ADORA2B: variants seen among roughly 807,000 people sequenced by gnomAD.
ADORA2B encodes adenosine A2b receptor, also known as adenosine receptor A2b.
A neutral mutation model predicts 20.8 loss-of-function variants in ADORA2B; 18 were observed. The observed-to-expected ratio is 0.87, with a 90% CI of 0.60 to 1.29. ADORA2B has a LOEUF of 1.29. Among genes scored for constraint, ADORA2B ranks in the 50% most tolerant of loss-of-function variants. The pLI, the probability that ADORA2B is intolerant of heterozygous loss-of-function variation, is 0.00. For missense variants in ADORA2B, 441 were observed against 422.7 expected (o/e 1.04, Z -0.38); for synonymous variants, 179 against 178.3 (o/e 1.00, Z -0.03).
the ADORA2B span, among the ~76,000 whole-genome samples, chr17:15,903,568 CTG>C: frequency 6.6e-6 from 1 of 152,222 alleles, no homozygotes; most frequent in Admixed American, 6.5e-5. Context: ...CCAGCACCCA[CTG>C]TCAAGCCTCC....
the ADORA2B span, among the ~76,000 whole-genome samples, chr17:15,936,733 A>T: frequency 6.6e-6 from 1 of 152,360 alleles, no homozygotes; most frequent in South Asian, 2.1e-4. Context: ...AGGCAGAAGG[A>T]TCGCTTGCAG....
In ADORA2B at chr17:15,948,830, A is replaced by G. The variant is rs1001253699; in HGVS notation, c.335+3247A>G. 2.0e-5 allele frequency among the ~76,000 whole-genome samples: 3 copies of G among 152,226 alleles called. No homozygotes were observed. The South Asian group carries it at 6.2e-4, about 32-fold the overall frequency. ...GCCTCACGTATCTGGTCTTTGAGGT[A>G]GGGATTAAAGACCTCTTAGCAAGAC... is the stretch of plus-strand genomic sequence containing the variant. On this transcript the variant is annotated intron_variant, in intron 1 of 1. Transcript: ENST00000304222.
At chr17:15,930,043 C>T in the ADORA2B span, among the ~76,000 whole-genome samples, 1 of 152,062 alleles carries the variant, frequency 6.6e-6, no homozygotes, top group Non-Finnish European at 1.5e-5. Flanking sequence ...CTGAAGCTAT[C>T]CTATTGCCTC....
the ADORA2B span, among the ~76,000 whole-genome samples, chr17:15,939,771 G>A: frequency 1.4e-5 from 2 of 147,034 alleles, no homozygotes; most frequent in African/African-American, 5.0e-5. Context: ...TGAGGCAGGA[G>A]AATGGCATGA....
the ADORA2B span, among the ~76,000 whole-genome samples, chr17:15,903,766 AAG>A: frequency 6.6e-6 from 1 of 152,224 alleles, no homozygotes; most frequent in Admixed American, 6.5e-5. Flanking sequence ...GTTCAAAAGT[AAG>A]AGAGTTCCTG....
At chr17:15,884,354 A>G in the ADORA2B span, among the ~76,000 whole-genome samples, 1 of 152,120 alleles carries the variant, frequency 6.6e-6, no homozygotes, top group African/African-American at 2.4e-5. Context: ...AAAGGTGGCT[A>G]ATGTGACTAA....
chr17:15,899,871 C>G, the ADORA2B span, among the ~76,000 whole-genome samples: 1 of 150,556 alleles, frequency 6.6e-6, no homozygotes. Flanking sequence ...CTCTCTCTGT[C>G]GGCAGGCTGG....
At chr17:15,910,311 T>G in the ADORA2B span, among the ~76,000 whole-genome samples, 1 of 152,154 alleles carries the variant, frequency 6.6e-6, no homozygotes, top group South Asian at 2.1e-4. Context: ...ACTTTTTTTT[T>G]TTTTTAGACT....
the ADORA2B span, among the ~76,000 whole-genome samples, chr17:15,902,240 T>TTG: frequency 6.6e-6 from 1 of 151,552 alleles, no homozygotes; most frequent in African/African-American, 2.4e-5. Context: ...TGAGACAGTC[T>TTG]CGCTCTGTCA....
the ADORA2B span, among the ~76,000 whole-genome samples, chr17:15,889,433 T>C: frequency 2.3e-5 from 3 of 129,668 alleles, no homozygotes; most frequent in Non-Finnish European, 4.9e-5. Context: ...ACCTTTTAGG[T>C]TGACATGTAT....
the ADORA2B span, among the ~76,000 whole-genome samples, chr17:15,864,343 A>G: frequency 3.9e-5 from 6 of 152,378 alleles, no homozygotes; most frequent in South Asian, 1.2e-3. Flanking sequence ...ATATGGGTGT[A>G]TGCAGAGCTG....
At chr17:15,884,751 C>T in the ADORA2B span, among the ~76,000 whole-genome samples, 2 of 152,142 alleles carry the variant, frequency 1.3e-5, no homozygotes, top group African/African-American at 2.4e-5. Context: ...GATGTGATCT[C>T]GTTCCTTTTT....
At chr17:15,881,692 TGAG>T in the ADORA2B span, among the ~76,000 whole-genome samples, 1 of 152,242 alleles carries the variant, frequency 6.6e-6, no homozygotes, top group Non-Finnish European at 1.5e-5. Context: ...TGCCCTTTGA[TGAG>T]GGGCTGATTT....
the ADORA2B span, among the ~76,000 whole-genome samples, chr17:15,877,636 T>A: frequency 2.0e-5 from 3 of 152,146 alleles, no homozygotes; most frequent in Non-Finnish European, 2.9e-5. Flanking sequence ...TTCCCTTGTT[T>A]TCAGTGTATC....
chr17:15,974,941 G>C lies in ADORA2B; in HGVS notation c.598G>C (p.Val200Leu), dbSNP rs1267368564. The C allele has an allele frequency of 1.2e-6, 2 of 1,614,086 alleles. No individual in the cohort carries two copies. The highest frequency in any genetic ancestry group is 1.7e-6 in the Non-Finnish European group (2 of 1,180,036). ...CVLPPLLIML[V>L]IYIKIFLVAC... ...TCTGCCCCCACTGCTTATAATGCTG[G>C]TGATCTACATTAAGATCTTCCTGGT... The change falls in exon 2 of 2, where the codon GTG (valine) becomes CTG (leucine). Residue 200 changes from valine to leucine, a missense_variant. By Grantham distance (32) the Val-to-Leu change is conservative (BLOSUM62 1). Coordinates refer to ENST00000304222, the MANE Select transcript of ADORA2B (RefSeq NM_000676.4).
chr17:15,898,733 G>A, the ADORA2B span, among the ~76,000 whole-genome samples: 29 of 152,138 alleles, frequency 1.9e-4, no homozygotes, highest in Non-Finnish European at 7.4e-5. Flanking sequence ...TAGCTGGGAA[G>A]AGAATGAGAT....
At chr17:15,885,662 C>T in the ADORA2B span, among the ~76,000 whole-genome samples, 99 of 149,916 alleles carry the variant, frequency 6.6e-4, no homozygotes, top group South Asian at 0.015. Context: ...TGCAGTGAGC[C>T]GAGATTGTGC....
the ADORA2B span, among the ~76,000 whole-genome samples, chr17:15,911,181 T>C: frequency 6.6e-6 from 1 of 152,210 alleles, no homozygotes; most frequent in African/African-American, 2.4e-5. Context: ...TGTTTTTAAG[T>C]GAAACTTGAG....
the ADORA2B span, among the ~76,000 whole-genome samples, chr17:15,904,410 T>C: frequency 6.9e-6 from 1 of 145,140 alleles, no homozygotes; most frequent in Non-Finnish European, 1.5e-5. Context: ...TTTTTTTTTT[T>C]TGAGACGGAG....
Sources: allele counts gnomAD v4.1 joint callset (sites outside exome capture counted in the v4.1 genomes callset), GRCh38; gene constraint gnomAD v4.1.1; transcripts MANE v1.5; gene names NCBI Gene and HGNC (gene_info 2026-07-23, HGNC 2026-07-21).